The following LRRTM4 variants were observed in gnomAD, a reference collection of about 807,000 sequenced individuals.
LRRTM4 encodes leucine-rich repeat transmembrane neuronal protein 4.
A neutral mutation model predicts 47.6 loss-of-function variants in LRRTM4; 25 were observed. The observed-to-expected ratio is 0.53, with a 90% confidence interval of 0.38 to 0.73. The LOEUF is 0.73. Among genes scored for constraint, LRRTM4 ranks in the 30% least tolerant of loss-of-function variants. The pLI is 0.00. For synonymous variants in LRRTM4, 311 were observed against 269.5 expected, an observed-to-expected ratio of 1.15 and a Z score of -1.51; for missense variants, 638 against 713.4, an observed-to-expected ratio of 0.89 and a Z score of 1.20.
intron 3 of LRRTM4, among the ~76,000 whole-genome samples, chr2:76,910,502 A>T (rs1280935414): frequency 6.6e-6 from 1 of 152,162 alleles, no homozygotes; most frequent in Non-Finnish European, 1.5e-5. Context: ...ATAATAATAA[A>T]AAAAAGAAAA....
At chr2:77,041,990 T>TA (rs928042612) in intron 3 of LRRTM4, among the ~76,000 whole-genome samples, 26 of 148,078 alleles carry the variant, frequency 1.8e-4, no homozygotes, top group Non-Finnish European at 3.0e-4. Flanking sequence ...GTTCCAAATT[T>TA]AAAAAACAAG....
At chr2:77,341,625 A>G (rs2104276657) in intron 3 of LRRTM4, among the ~76,000 whole-genome samples, 1 of 152,220 alleles carries the variant, frequency 6.6e-6, no homozygotes, top group East Asian at 1.9e-4. Flanking sequence ...GAATGGATTC[A>G]GTAACTATCT....
chr2:77,135,396 A>T (rs1671908122), intron 3 of LRRTM4, among the ~76,000 whole-genome samples: 1 of 152,186 alleles, frequency 6.6e-6, no homozygotes, highest in African/African-American at 2.4e-5. Context: ...GTACAGAGTT[A>T]TCAGTGAGGA....
intron 3 of LRRTM4, chr2:77,516,601 ACTAATACT>A: frequency 1.0e-6 from 1 of 981,718 alleles, no homozygotes; most frequent in Non-Finnish European, 1.2e-6. Flanking sequence ...AACTTGTGTT[ACTAATACT>A]CAAGTATATT....
chr2:76,875,631 A>G (rs1672756294), intron 3 of LRRTM4, among the ~76,000 whole-genome samples: 1 of 152,128 alleles, frequency 6.6e-6, no homozygotes, highest in Non-Finnish European at 1.5e-5. Flanking sequence ...ATTAGCAAAA[A>G]AGAAAAAAGT....
chr2:77,230,432 G>A (rs532240555), intron 3 of LRRTM4, among the ~76,000 whole-genome samples: 20 of 152,036 alleles, frequency 1.3e-4, no homozygotes, highest in African/African-American at 4.8e-4. Context: ...TGTTCCAAAG[G>A]CATAAATAAT....
chr2:76,813,684 A>T (rs1238230480), intron 3 of LRRTM4, among the ~76,000 whole-genome samples: 1 of 152,084 alleles, frequency 6.6e-6, no homozygotes, highest in Non-Finnish European at 1.5e-5. Flanking sequence ...GGACTGATTG[A>T]TAGGCTTTAG....
intron 3 of LRRTM4, among the ~76,000 whole-genome samples, chr2:77,087,724 T>A (rs1680769046): frequency 6.6e-6 from 1 of 152,200 alleles, no homozygotes; most frequent in African/African-American, 2.4e-5. Flanking sequence ...TTTACAGATA[T>A]AATTGAAAAT....
intron 3 of LRRTM4, among the ~76,000 whole-genome samples, chr2:77,105,913 A>G (rs1671081782): frequency 6.6e-6 from 1 of 152,186 alleles, no homozygotes; most frequent in Non-Finnish European, 1.5e-5. Flanking sequence ...TTAATCTTCA[A>G]TTTATAATTT....
intron 3 of LRRTM4, among the ~76,000 whole-genome samples, chr2:76,922,937 T>C (rs1207149595): frequency 6.6e-6 from 1 of 152,052 alleles, no homozygotes; most frequent in African/African-American, 2.4e-5. Context: ...AAATGATAAA[T>C]TTTGGAAAAT....
chr2:77,089,476 G>A lies in LRRTM4; in HGVS notation c.1552-340560C>T, dbSNP rs532390137. Among the ~76,000 whole-genome samples, 17 of 149,668 alleles carry A rather than the reference G, an allele frequency of 1.1e-4. No homozygotes were observed. In the East Asian group the frequency reaches 1.2e-3, roughly 11 times the overall value. On this transcript the variant is annotated intron_variant, in intron 3 of 3. Transcript: ENST00000409884. ...CCCCAATCCCTTATTTCCGTGCCCC[G>A]ACCTCTTATTTCTGCGCCCCATCCC...
At chr2:76,881,628 C>CG (rs1672932735) in intron 3 of LRRTM4, among the ~76,000 whole-genome samples, 1 of 151,814 alleles carries the variant, frequency 6.6e-6, no homozygotes, top group African/African-American at 2.4e-5. Flanking sequence ...GGAAAAAAAA[C>CG]TGAACTACTT....
chr2:77,002,130 A>T (rs573557614), intron 3 of LRRTM4, among the ~76,000 whole-genome samples: 1 of 152,168 alleles, frequency 6.6e-6, no homozygotes, highest in African/African-American at 2.4e-5. Context: ...ATTATTCTCA[A>T]ATAATATTGT....
At chr2:77,440,230 C>T (rs1463408310) in intron 3 of LRRTM4, among the ~76,000 whole-genome samples, 1 of 152,044 alleles carries the variant, frequency 6.6e-6, no homozygotes, top group Non-Finnish European at 1.5e-5. Context: ...CTGGCTAACA[C>T]GGTGAGAACC....
rs1671319739 is a variant in LRRTM4, at chr2:76,830,534, GTGTGTGT to G, written c.1552-81625_1552-81619del. Reference sequence around the variant, plus strand: ...TGTGTGCGTGTGTGTGTGTGTGTGTGTGTGTGTGTGTGTTTCTGCACTAGTGACCCAG... The same window carrying G: ...TGTGTGCGTGTGTGTGTGTGTGTGTGGTGTGTTTCTGCACTAGTGACCCAG... On this transcript the variant is annotated intron_variant, in intron 3 of 3. Transcript: ENST00000409884. 2.6e-5 allele frequency among the ~76,000 whole-genome samples: 4 copies of G among 150,950 alleles called. No homozygotes were observed. In the Admixed American group the frequency reaches 2.7e-4, roughly 10 times the overall value.
chr2:77,253,380 A>G (rs984360918), intron 3 of LRRTM4, among the ~76,000 whole-genome samples: 1 of 152,072 alleles, frequency 6.6e-6, no homozygotes, highest in African/African-American at 2.4e-5. Context: ...CTAGCTGTCA[A>G]TAGAGGCCAA....
chr2:76,846,724 A>G (rs1421673571), intron 3 of LRRTM4, among the ~76,000 whole-genome samples: 1 of 152,170 alleles, frequency 6.6e-6, no homozygotes, highest in African/African-American at 2.4e-5. Context: ...TGCCTGCTTT[A>G]CATACAAATG....
At chr2:76,907,395 G>C (rs1275241580) in intron 3 of LRRTM4, among the ~76,000 whole-genome samples, 2 of 150,746 alleles carry the variant, frequency 1.3e-5, no homozygotes, top group Non-Finnish European at 2.9e-5. Context: ...AAGCAGGAAA[G>C]ATCCAAAATT....
intron 3 of LRRTM4, among the ~76,000 whole-genome samples, chr2:77,078,094 ATTTC>A (rs1015651988): frequency 7.9e-5 from 12 of 152,144 alleles, no homozygotes; most frequent in Admixed American, 2.6e-4. Flanking sequence ...ACAAGCAAGA[ATTTC>A]TTTGTGTTTT....
Sources: allele counts gnomAD v4.1 joint callset (sites outside exome capture counted in the v4.1 genomes callset), GRCh38; gene constraint gnomAD v4.1.1; transcripts MANE v1.5; gene names NCBI Gene and HGNC (gene_info 2026-07-23, HGNC 2026-07-21).